Variants in SRCIN1 observed in about 807,000 individuals in gnomAD.
The protein encoded by SRCIN1 is P130Cas-associated protein.
In SRCIN1, 50 loss-of-function variants were observed where a neutral mutation model predicts 116.2. The ratio of observed to expected loss-of-function variants is 0.43; its 90% CI spans 0.34 to 0.54. SRCIN1 has a LOEUF of 0.54. SRCIN1 is among the 20% of genes least tolerant of loss of function. SRCIN1 has a pLI of 0.02. For synonymous variants in SRCIN1, 736 were observed against 750.0 expected (o/e 0.98, Z 0.30); for missense variants, 1,446 against 1,672.0 (o/e 0.86, Z 2.36).
intron 18 of SRCIN1, among the ~76,000 whole-genome samples, chr17:38,536,165 C>G (rs1039069582): frequency 2.0e-5 from 3 of 152,202 alleles, no homozygotes; most frequent in African/African-American, 7.2e-5. Context: ...GCAACATGTG[C>G]TTTCTAAAAT....
intron 1 of SRCIN1, among the ~76,000 whole-genome samples, chr17:38,601,638 G>GCACACA (rs35202404): frequency 5.1e-5 from 7 of 137,662 alleles, no homozygotes; most frequent in Admixed American, 1.4e-4. Context: ...ACACACACAC[G>GCACACA]CACACACACA....
At position 38,563,639 on chromosome 17, in the gene SRCIN1, A is replaced by G. The variant is rs962838603; in HGVS notation, c.542-118T>C. The G allele has an allele frequency of 7.2e-7, 1 of 1,383,594 alleles. No homozygotes were observed. Among genetic ancestry groups the G allele is most frequent in the African/African-American group, 1.4e-5 (1 of 70,042 alleles). The allele number at this position is 1,383,594 out of a possible 1,614,324, so 85.7% of individuals were successfully genotyped here. On this transcript the variant is annotated intron_variant, in intron 4 of 18. Transcript: ENST00000617146. The surrounding 1 kb of genome is among the most constrained non-coding windows in gnomAD (Gnocchi z 5.8). ...CCGCAGCGGCAGGGTCTGAGGCTAG[A>G]CGCCGCCCCCGAGTGCAGATGCACC...
intron 1 of SRCIN1, among the ~76,000 whole-genome samples, chr17:38,599,058 A>T (rs544306762): frequency 8.8e-5 from 13 of 147,382 alleles, no homozygotes; most frequent in East Asian, 2.0e-4. Context: ...CCAAATCCCC[A>T]TTTTTTTTTT....
At chr17:38,549,508 G>T (rs1905260832) in intron 15 of SRCIN1, among the ~76,000 whole-genome samples, 1 of 152,134 alleles carries the variant, frequency 6.6e-6, no homozygotes, top group Non-Finnish European at 1.5e-5. Context: ...CCACCTCTGG[G>T]CTGCTAAACC....
chr17:38,550,411 G>A (rs529704567), intron 15 of SRCIN1, among the ~76,000 whole-genome samples: 10 of 152,184 alleles, frequency 6.6e-5, no homozygotes, highest in Non-Finnish European at 1.0e-4. Context: ...GGAGAATGGC[G>A]AGAACCCAGG....
In SRCIN1 at chr17:38,559,651, G is replaced by C. The variant is rs1906080190; in HGVS notation, c.1959C>G (p.His653Gln). The change falls in exon 10 of 19, where the codon CAC (histidine) becomes CAG (glutamine). Residue 653 changes from histidine to glutamine, a missense_variant. Transcript: ENST00000617146. ...TAVSRLQMQL[H>Q]LRGLQNSASD... The stretch of plus-strand genomic sequence containing the variant: ...TGGCGCTGTTCTGCAGGCCTCGCAG[G>C]TGAAGCTGCATCTGCAGCCGGCTAA... 49 of 1,602,876 alleles carry C rather than the reference G, an allele frequency of 3.1e-5. No homozygotes were observed. Among genetic ancestry groups the C allele is most frequent in the Non-Finnish European group, 4.2e-5 (49 of 1,179,318 alleles).
chr17:38,556,047 G>A lies in SRCIN1; in HGVS notation c.2201+2180C>T, dbSNP rs192404599. Among the ~76,000 whole-genome samples the A allele has an allele frequency of 5.3e-5, 8 of 152,296 alleles. No individual in the cohort carries two copies. In the East Asian group the frequency reaches 1.5e-3, roughly 29 times the overall value. Reference sequence around the variant, plus strand: ...GGGGCCTCTAACCTGGGCAAGCTCTGCAAATGAGTCCCAGGCCAGCTAGTC... The same window carrying A: ...GGGGCCTCTAACCTGGGCAAGCTCTACAAATGAGTCCCAGGCCAGCTAGTC... On this transcript the variant is annotated intron_variant, in intron 11 of 18. Coordinates refer to ENST00000617146, the MANE Select transcript of SRCIN1 (RefSeq NM_025248.3).
At position 38,558,386 on chromosome 17, in the gene SRCIN1, G is replaced by A. The variant is rs1597900100; in HGVS notation, c.2042C>T (p.Ser681Leu). 3 of 1,602,750 alleles carry A rather than the reference G, an allele frequency of 1.9e-6. No homozygotes were observed. The highest frequency in any genetic ancestry group is 1.3e-5 in the African/African-American group (1 of 74,784). ...CGTGCGCTTCAGCAGCGCGCGCACCGACTCCTGGTTCTGTAGCTGCGGGAC... is the reference window on the plus strand; with the variant it reads ...CGTGCGCTTCAGCAGCGCGCGCACCAACTCCTGGTTCTGTAGCTGCGGGAC... ...LRKLQLQNQESVRALLKRTEA... is the reference protein window; with the variant it reads ...LRKLQLQNQELVRALLKRTEA... Residue 681 changes from serine to leucine, a missense_variant, in exon 11 of 19, where the codon TCG (serine) becomes TTG (leucine). Physicochemically the swap from Ser to Leu is moderately radical, Grantham distance 145 (BLOSUM62 -2). Coordinates refer to ENST00000617146, the MANE Select transcript of SRCIN1 (RefSeq NM_025248.3). The surrounding 1 kb of genome is among the most constrained non-coding windows in gnomAD (Gnocchi z 4.6).
rs1906538299 is a variant in SRCIN1 at position 38,564,381 on chromosome 17, C to T, written c.346-68G>A. On this transcript the variant is annotated intron_variant, in intron 3 of 18. Coordinates refer to ENST00000617146, the MANE Select transcript of SRCIN1 (RefSeq NM_025248.3). ...CCCCCCTCCCCTTTGCTTGTCACTG[C>T]CCATATCCAGGCCTGGGAAGGTCCT... The T allele has an allele frequency of 7.6e-6, 11 of 1,448,904 alleles. No individual in the cohort carries two copies. The South Asian group carries it at 1.5e-4, about 20-fold the overall frequency. The allele number at this position is 1,448,904 out of a possible 1,614,324, so 89.8% of individuals were successfully genotyped here. A position where few individuals can be genotyped will look rare whatever the true frequency, so the allele number is the denominator to read the frequency against.
At chr17:38,559,873 G>C (rs1046526816) in intron 9 of SRCIN1, 101 bp from the exon 10 acceptor site, 2 of 1,418,648 alleles carry the variant, frequency 1.4e-6, no homozygotes, top group African/African-American at 2.9e-5. Flanking sequence ...CCACACAGTA[G>C]CCAGAGAAGC....
Position 38,562,382 on chromosome 17 carries a change from G to C in SRCIN1, c.835-54C>G. On this transcript the variant is annotated intron_variant, in intron 6 of 18. Coordinates refer to ENST00000617146, the MANE Select transcript of SRCIN1 (RefSeq NM_025248.3). This position sits in a 1 kb window ranked among gnomAD's most constrained non-coding sequence, Gnocchi z 4.2. Reference sequence around the variant, plus strand: ...GGGGCTGGTCACCAAGGACACCCCTGTCCCTTGCTTGAGGAGCCAGCATCT... The same window carrying C: ...GGGGCTGGTCACCAAGGACACCCCTCTCCCTTGCTTGAGGAGCCAGCATCT... The C allele has an allele frequency of 7.2e-7, 1 of 1,392,038 alleles. No individual in the cohort carries two copies. Among genetic ancestry groups the C allele is most frequent in the South Asian group, 1.6e-5 (1 of 63,596 alleles). The allele number at this position is 1,392,038 out of a possible 1,614,324, so 86.2% of individuals were successfully genotyped here.
At position 38,533,288 on chromosome 17, in the gene SRCIN1, G is replaced by A; in HGVS notation, c.*9C>T. 1 of 1,547,076 alleles carries A rather than the reference G, an allele frequency of 6.5e-7. No individual in the cohort carries two copies. The highest frequency in any genetic ancestry group is 8.8e-7 in the Non-Finnish European group (1 of 1,142,584). On this transcript the variant is annotated 3_prime_UTR_variant, in exon 19 of 19. Coordinates refer to ENST00000617146, the MANE Select transcript of SRCIN1 (RefSeq NM_025248.3). ...AGGGGGACAGGCGGGGCAGCGGGGT[G>A]AGGGGCTTCTAGAAGGAGATGGAAG... is the stretch of plus-strand genomic sequence containing the variant.
intron 15 of SRCIN1, among the ~76,000 whole-genome samples, 170 bp from the exon 16 acceptor site, chr17:38,549,380 T>C (rs1167297788): frequency 6.6e-6 from 1 of 152,146 alleles, no homozygotes; most frequent in Non-Finnish European, 1.5e-5. Context: ...TTACCTCTCC[T>C]GCACACAAGC....
Position 38,561,901 on chromosome 17 carries a change from G to C in SRCIN1, c.1262C>G (p.Pro421Arg). 2 of 1,445,710 alleles carry C rather than the reference G, an allele frequency of 1.4e-6. No homozygotes were observed. The highest frequency in any genetic ancestry group is 1.8e-6 in the Non-Finnish European group (2 of 1,115,312). 89.6% of individuals were successfully genotyped at this position (1,445,710 alleles called of 1,614,324 possible). ...GCGCTTGTAGAGGCCGCCGGCGCCC[G>C]GGTAGGCGAACGGGTCGCCGGCGGC... is the stretch of plus-strand genomic sequence containing the variant. ...AAAAGDPFAY[P>R]GAGGLYKRGS... is the part of the protein sequence containing the mutation. Residue 421 changes from proline (P) to arginine (R), a missense_variant, in exon 7 of 19, where the codon CCG becomes CGG. Physicochemically the swap from Pro to Arg is moderately radical, Grantham distance 103. Coordinates refer to ENST00000617146, the MANE Select transcript of SRCIN1 (RefSeq NM_025248.3).
chr17:38,543,361 A>T (rs565123669), intron 18 of SRCIN1, among the ~76,000 whole-genome samples: 1 of 152,310 alleles, frequency 6.6e-6, no homozygotes, highest in African/African-American at 2.4e-5. Flanking sequence ...CCTGAATAGC[A>T]GGCGGAGCCC....
intron 9 of SRCIN1, 120 bp from the exon 10 acceptor site, chr17:38,559,892 C>G: frequency 7.2e-7 from 1 of 1,384,892 alleles, no homozygotes; most frequent in South Asian, 1.4e-5. Context: ...GCCCGTGGCT[C>G]TACCTGCCCC....
chr17:38,551,658 C>A (rs941688103), intron 14 of SRCIN1: 58 of 699,416 alleles, frequency 8.3e-5, no homozygotes, highest in Non-Finnish European at 1.3e-4. Flanking sequence ...ATAGTCTATT[C>A]TTGGGCAAAC....
At position 38,533,291 on chromosome 17, in the gene SRCIN1, G is replaced by A. The variant is rs532827232; in HGVS notation, c.*6C>T. 6.4e-7 allele frequency: 1 copy of A among 1,550,430 alleles called. No individual in the cohort carries two copies. Among genetic ancestry groups the A allele is most frequent in the African/African-American group, 1.4e-5 (1 of 73,234 alleles). On this transcript the variant is annotated 3_prime_UTR_variant, in exon 19 of 19. Coordinates refer to ENST00000617146, the MANE Select transcript of SRCIN1 (RefSeq NM_025248.3). ...GGGACAGGCGGGGCAGCGGGGTGAGGGGCTTCTAGAAGGAGATGGAAGAAT... is the reference window on the plus strand; with the variant it reads ...GGGACAGGCGGGGCAGCGGGGTGAGAGGCTTCTAGAAGGAGATGGAAGAAT...
At chr17:38,605,207 C>T (rs1027920785) in intron 1 of SRCIN1, among the ~76,000 whole-genome samples, 4 of 151,954 alleles carry the variant, frequency 2.6e-5, no homozygotes, top group African/African-American at 9.7e-5. Context: ...ATTCTGGGAG[C>T]TGGGGGAGGG....
Sources: gnomAD v4.1 joint callset for allele counts (sites outside exome capture counted in the v4.1 genomes callset) on GRCh38, gnomAD v4.1.1 for gene constraint, Gnocchi (gnomAD v3.1) non-coding constraint, MANE v1.5 for transcripts, NCBI Gene and HGNC (gene_info 2026-07-23, HGNC 2026-07-21) for gene names.